Variants in ZHX3 observed in about 807,000 individuals in gnomAD.
The protein encoded by ZHX3 is zinc fingers and homeoboxes 3.
Under a neutral mutation model 64.5 loss-of-function variants are expected in ZHX3, and 20 were observed. That is an observed-to-expected ratio of 0.31 (90% confidence interval 0.22 to 0.45). The LOEUF is 0.45. ZHX3 is among the 20% of genes least tolerant of loss of function. The pLI is 1.00. For synonymous variants in ZHX3, 423 were observed against 461.6 expected (o/e 0.92, Z 1.07); for missense variants, 1,041 against 1,195.8 (o/e 0.87, Z 1.91).
intron 2 of ZHX3, among the ~76,000 whole-genome samples, chr20:41,264,920 G>GTA (rs2042761896): frequency 6.6e-6 from 1 of 151,770 alleles, no homozygotes; most frequent in Admixed American, 6.6e-5. Flanking sequence ...AATAATAAAG[G>GTA]TATATTTTCT....
chr20:41,265,947 T>C (rs1322532791), intron 2 of ZHX3, among the ~76,000 whole-genome samples: 2 of 152,010 alleles, frequency 1.3e-5, no homozygotes, highest in East Asian at 1.9e-4. Flanking sequence ...CCAGAACCAG[T>C]GGAGGGGGAC....
chr20:41,204,930 G>T lies in ZHX3; in HGVS notation c.-14C>A. 1 of 1,524,080 alleles carries T rather than the reference G, an allele frequency of 6.6e-7. No individual in the cohort carries two copies. Among genetic ancestry groups the T allele is most frequent in the Non-Finnish European group, 8.8e-7 (1 of 1,136,840 alleles). 94.4% of individuals were successfully genotyped at this position (1,524,080 alleles called of 1,614,324 possible). A position where few individuals can be genotyped will look rare whatever the true frequency, so the allele number is the denominator to read the frequency against. ...CTTGCTGGCCATGGTGACAATCACT[G>T]GGTGATCAGCAGTTGAGAGCTTGTC... On this transcript the variant is annotated 5_prime_UTR_variant, in exon 3 of 4. Transcript: ENST00000683867. This position sits in a 1 kb window ranked among gnomAD's most constrained non-coding sequence, Gnocchi z 6.6.
chr20:41,259,724 T>C (rs368152315), intron 2 of ZHX3, among the ~76,000 whole-genome samples: 18 of 152,230 alleles, frequency 1.2e-4, no homozygotes, highest in African/African-American at 4.3e-4. Flanking sequence ...TGTAAATGCA[T>C]AGAAAAAAAT....
rs2038138411 is a variant in ZHX3 at position 41,200,601 on chromosome 20, G to A, written c.2860+1456C>T. On this transcript the variant is annotated intron_variant, in intron 3 of 3. Transcript: ENST00000683867. This position sits in a 1 kb window ranked among gnomAD's most constrained non-coding sequence, Gnocchi z 4.2. ...CGTATTGAAAACATGGCTGGAGTTGGAGGAGGCTGTAAGGGAGCCAGTGGC... is the reference window on the plus strand; with the variant it reads ...CGTATTGAAAACATGGCTGGAGTTGAAGGAGGCTGTAAGGGAGCCAGTGGC... 6.6e-6 allele frequency among the ~76,000 whole-genome samples: 1 copy of A among 152,200 alleles called. No individual in the cohort carries two copies. The highest frequency in any genetic ancestry group is 2.1e-4 in the South Asian group (1 of 4,830).
chr20:41,274,232 TAA>T (rs1159627912), intron 1 of ZHX3, among the ~76,000 whole-genome samples: 2 of 152,254 alleles, frequency 1.3e-5, no homozygotes, highest in Admixed American at 6.5e-5. Context: ...GATTTATAAT[TAA>T]GTTTCATTAT....
chr20:41,256,886 A>G (rs1046704374), intron 2 of ZHX3, among the ~76,000 whole-genome samples: 3 of 151,880 alleles, frequency 2.0e-5, no homozygotes, highest in African/African-American at 4.8e-5. Context: ...CACATCATCT[A>G]AATAGTGTAC....
intron 1 of ZHX3, among the ~76,000 whole-genome samples, chr20:41,306,023 T>C (rs1206873151): frequency 6.6e-6 from 1 of 152,200 alleles, no homozygotes; most frequent in Non-Finnish European, 1.5e-5. Context: ...ATAGTAAATA[T>C]CCAGAAGCAC....
chr20:41,197,524 T>C (rs1268720430), intron 3 of ZHX3, among the ~76,000 whole-genome samples: 1 of 151,534 alleles, frequency 6.6e-6, no homozygotes, highest in Non-Finnish European at 1.5e-5. Flanking sequence ...GTGTATCTTT[T>C]TCTATCCTTT....
chr20:41,184,698 T>C lies in ZHX3; in HGVS notation c.*493A>G. On this transcript the variant is annotated 3_prime_UTR_variant, in exon 4 of 4. Coordinates refer to ENST00000683867, the MANE Select transcript of ZHX3 (RefSeq NM_001384317.1). The stretch of plus-strand genomic sequence containing the variant: ...CGTAGCTTTGTGCCTATAACTTCCC[T>C]GCCTGACTGTGGAAGGTGAGGGGCA... 2 of 598,746 alleles carry C rather than the reference T, an allele frequency of 3.3e-6. No individual in the cohort carries two copies. The highest frequency in any genetic ancestry group is 5.9e-5 in the East Asian group (2 of 33,706). The allele number at this position is 598,746 out of a possible 1,614,324, so 37.1% of individuals were successfully genotyped here. A position where few individuals can be genotyped will look rare whatever the true frequency, so the allele number is the denominator to read the frequency against.
At chr20:41,297,972 G>C (rs1304669182) in intron 1 of ZHX3, among the ~76,000 whole-genome samples, 2 of 152,152 alleles carry the variant, frequency 1.3e-5, no homozygotes, top group Non-Finnish European at 2.9e-5. Context: ...TATTTCTATT[G>C]AGTCTAAAGA....
intron 2 of ZHX3, among the ~76,000 whole-genome samples, chr20:41,235,927 A>G (rs551291310): frequency 6.6e-6 from 1 of 152,360 alleles, no homozygotes; most frequent in Non-Finnish European, 1.5e-5. Flanking sequence ...GCAAAGTCTC[A>G]GCATACAAAA....
chr20:41,242,608 C>A (rs1193156956), intron 2 of ZHX3, among the ~76,000 whole-genome samples: 2 of 152,164 alleles, frequency 1.3e-5, no homozygotes, highest in African/African-American at 4.8e-5. Context: ...GACCCATGAT[C>A]TACTAGTGTA....
intron 2 of ZHX3, among the ~76,000 whole-genome samples, chr20:41,215,526 A>C (rs2039456958): frequency 6.6e-6 from 1 of 152,114 alleles, no homozygotes; most frequent in South Asian, 2.1e-4. Flanking sequence ...GAAGAACAGT[A>C]AGAATTCAAT....
At chr20:41,310,126 CTG>C (rs898714504) in intron 1 of ZHX3, among the ~76,000 whole-genome samples, 5 of 152,322 alleles carry the variant, frequency 3.3e-5, no homozygotes, top group African/African-American at 1.2e-4. Context: ...CTCTGCTCCA[CTG>C]TCTTTCTGCC....
At chr20:41,194,383 T>C (rs757813467) in intron 3 of ZHX3, among the ~76,000 whole-genome samples, 2 of 152,190 alleles carry the variant, frequency 1.3e-5, no homozygotes, top group African/African-American at 4.8e-5. Context: ...TACATTGATA[T>C]TCATGTGCCA....
chr20:41,262,414 G>C (rs6102330), intron 2 of ZHX3, among the ~76,000 whole-genome samples: 6 of 152,172 alleles, frequency 3.9e-5, no homozygotes, highest in African/African-American at 1.4e-4. Flanking sequence ...CCCAAGAACA[G>C]GGTGATGTAC....
intron 1 of ZHX3, among the ~76,000 whole-genome samples, chr20:41,307,945 C>G (rs978449109): frequency 2.0e-5 from 3 of 152,166 alleles, no homozygotes; most frequent in African/African-American, 7.2e-5. Flanking sequence ...CATGGACCCT[C>G]TTTTCAACTA....
chr20:41,238,976 G>A (rs931122603), intron 2 of ZHX3, among the ~76,000 whole-genome samples: 3 of 149,982 alleles, frequency 2.0e-5, no homozygotes, highest in African/African-American at 7.3e-5. Flanking sequence ...TGAAAACAAG[G>A]GCCTATTTTC....
intron 2 of ZHX3, among the ~76,000 whole-genome samples, chr20:41,231,966 A>C (rs1035109388): frequency 6.6e-6 from 1 of 152,246 alleles, no homozygotes; most frequent in Non-Finnish European, 1.5e-5. Flanking sequence ...GGAGATGTGG[A>C]AACTAGCTAT....
Sources: allele counts gnomAD v4.1 joint callset (sites outside exome capture counted in the v4.1 genomes callset), GRCh38; gene constraint gnomAD v4.1.1; non-coding constraint Gnocchi (gnomAD v3.1); transcripts MANE v1.5; gene names NCBI Gene and HGNC (gene_info 2026-07-23, HGNC 2026-07-21).